TDRD5: variants seen among roughly 807,000 people sequenced by gnomAD.
TDRD5 encodes tudor domain-containing protein 5.
Under a neutral mutation model 120.6 loss-of-function variants are expected in TDRD5, and 41 were observed. The observed-to-expected ratio is 0.34, with a 90% CI of 0.26 to 0.44. The LOEUF is 0.44. Among genes scored for constraint, TDRD5 ranks in the 20% least tolerant of loss-of-function variants. The pLI is 1.00. For synonymous variants in TDRD5, 430 were observed against 433.7 expected, an observed-to-expected ratio of 0.99 and a Z score of 0.11; for missense variants, 1,006 against 1,221.2, an observed-to-expected ratio of 0.82 and a Z score of 2.63.
At chr1:179,671,949 G>GGTGTGTGTGTGTGT (rs111855083) in intron 17 of TDRD5, among the ~76,000 whole-genome samples, 6 of 141,728 alleles carry the variant, frequency 4.2e-5, no homozygotes, top group Admixed American at 2.1e-4. Context: ...AATATTCCAT[G>GGTGTGTGTGTGTGT]GTGTGTGTGT....
intron 5 of TDRD5, among the ~76,000 whole-genome samples, chr1:179,620,444 A>G (rs1324275212): frequency 6.6e-6 from 1 of 152,166 alleles, no homozygotes; most frequent in African/African-American, 2.4e-5. Context: ...TAGAAGATCA[A>G]ATACATTTAG....
At chr1:179,623,476 C>A (rs1233567954) in intron 6 of TDRD5, among the ~76,000 whole-genome samples, 1 of 151,894 alleles carries the variant, frequency 6.6e-6, no homozygotes, top group Non-Finnish European at 1.5e-5. Flanking sequence ...TTGCAAGATT[C>A]TTATATTTTA....
At chr1:179,685,425 C>T (rs1002162941) in intron 17 of TDRD5, among the ~76,000 whole-genome samples, 2 of 152,128 alleles carry the variant, frequency 1.3e-5, no homozygotes. Context: ...GTACCAGTAC[C>T]ACGCTGTTTT....
At position 179,690,683 on chromosome 1, in the gene TDRD5, C is replaced by G. The variant is rs1558435890; in HGVS notation, c.2861-13C>G. The G allele has an allele frequency of 6.2e-7, 1 of 1,610,584 alleles. No homozygotes were observed. Among genetic ancestry groups the G allele is most frequent in the South Asian group, 1.1e-5 (1 of 90,670 alleles). ...CCCCTTGAAAAGATGTTTGTGTACT[C>G]TTTCTTTTCCAGTGGAAAGCTCACC... On this transcript the variant is annotated splice_polypyrimidine_tract_variant and intron_variant, in intron 17 of 17. Coordinates refer to ENST00000444136, the MANE Select transcript of TDRD5 (RefSeq NM_001199085.3).
chr1:179,689,878 G>A (rs556791258), intron 17 of TDRD5, among the ~76,000 whole-genome samples: 2 of 152,330 alleles, frequency 1.3e-5, no homozygotes, highest in East Asian at 3.9e-4. Flanking sequence ...ACCTCCTGGT[G>A]TGCCATTTGC....
chr1:179,602,551 G>T (rs976860489), intron 4 of TDRD5, among the ~76,000 whole-genome samples: 1 of 152,178 alleles, frequency 6.6e-6, no homozygotes, highest in Non-Finnish European at 1.5e-5. Context: ...GTTGATTTTT[G>T]TGTAAGGTGA....
In TDRD5 at chr1:179,618,632, A is replaced by G; in HGVS notation, c.865A>G (p.Ile289Val). 1 of 1,599,150 alleles carries G rather than the reference A, an allele frequency of 6.3e-7. No individual in the cohort carries two copies. The highest frequency in any genetic ancestry group is 8.5e-7 in the Non-Finnish European group (1 of 1,174,278). ...CACATTCAAATCAGTTATTGCACAGATTGGACCTGGAGGAACTATCAGTTC... is the reference window on the plus strand; with the variant it reads ...CACATTCAAATCAGTTATTGCACAGGTTGGACCTGGAGGAACTATCAGTTC... ...ENTFKSVIAQ[I>V]GPGGTISSEL... Residue 289 changes from isoleucine to valine, a missense_variant, in exon 5 of 18, where the codon ATT (isoleucine) becomes GTT (valine). Around this residue, in one of 3 missense-constraint regions of TDRD5, gnomAD observed 445 missense variants for 515.5 expected, o/e 0.86. Coordinates refer to ENST00000444136, the MANE Select transcript of TDRD5 (RefSeq NM_001199085.3).
At chr1:179,610,806 T>A (rs915756144) in intron 4 of TDRD5, among the ~76,000 whole-genome samples, 5 of 152,114 alleles carry the variant, frequency 3.3e-5, no homozygotes, top group Non-Finnish European at 7.4e-5. Context: ...CCTTTCAGAC[T>A]TTTTTTCTAT....
chr1:179,635,921 A>G, intron 9 of TDRD5, 34 bp downstream of exon 9: 1 of 1,594,806 alleles, frequency 6.3e-7, no homozygotes, highest in Non-Finnish European at 8.6e-7. Context: ...TGTTTTTCAC[A>G]TGTCTCTTAA....
At chr1:179,662,044 T>G in intron 14 of TDRD5, 60 bp from the exon 15 acceptor site, 1 of 1,404,132 alleles carries the variant, frequency 7.1e-7, no homozygotes, top group South Asian at 1.9e-5. Context: ...AACCTAAATT[T>G]TATGTGCTCA....
At chr1:179,687,176 A>C (rs1410880352) in intron 17 of TDRD5, among the ~76,000 whole-genome samples, 2 of 152,154 alleles carry the variant, frequency 1.3e-5, no homozygotes, top group Non-Finnish European at 2.9e-5. Flanking sequence ...TCTTGTGGGC[A>C]TTTAGTGCTA....
intron 4 of TDRD5, among the ~76,000 whole-genome samples, chr1:179,615,271 G>C (rs185238903): frequency 6.6e-6 from 1 of 152,066 alleles, no homozygotes. Flanking sequence ...CACATAGTAT[G>C]ATCTCAATAC....
intron 11 of TDRD5, among the ~76,000 whole-genome samples, chr1:179,649,863 A>T (rs1377900444): frequency 6.6e-6 from 1 of 152,198 alleles, no homozygotes; most frequent in Admixed American, 6.5e-5. Context: ...GAGGATTTAC[A>T]TGTGCTTCTG....
At chr1:179,602,511 T>C (rs1320935573) in intron 4 of TDRD5, among the ~76,000 whole-genome samples, 3 of 152,210 alleles carry the variant, frequency 2.0e-5, no homozygotes, top group African/African-American at 7.2e-5. Context: ...TAGTTTCAGG[T>C]CTTAGGTTTA....
At position 179,668,177 on chromosome 1, in the gene TDRD5, C is replaced by G. The variant is rs185142466; in HGVS notation, c.2650-1017C>G. Among the ~76,000 whole-genome samples the G allele has an allele frequency of 1.2e-4, 18 of 152,316 alleles. 1 individual carries two copies. In the East Asian group the frequency reaches 3.5e-3, roughly 29 times the overall value. On this transcript the variant is annotated intron_variant, in intron 16 of 17. Coordinates refer to ENST00000444136, the MANE Select transcript of TDRD5 (RefSeq NM_001199085.3). ...TTCATAATGGTTAAAATTTGGCACTCCCTTCATTTAAGCTCAAGTTCAATC... is the reference window on the plus strand; with the variant it reads ...TTCATAATGGTTAAAATTTGGCACTGCCTTCATTTAAGCTCAAGTTCAATC...
intron 2 of TDRD5, 39 bp downstream of exon 2, chr1:179,592,886 TAAA>T: frequency 6.4e-7 from 1 of 1,559,648 alleles, no homozygotes. Flanking sequence ...AACTTTGTAA[TAAA>T]AACAATTGCT....
intron 17 of TDRD5, among the ~76,000 whole-genome samples, chr1:179,674,028 G>A (rs1344521807): frequency 6.6e-6 from 1 of 152,022 alleles, no homozygotes; most frequent in Non-Finnish European, 1.5e-5. Flanking sequence ...ACCGATTTGG[G>A]TGCCCTTTAT....
intron 11 of TDRD5, among the ~76,000 whole-genome samples, chr1:179,648,954 T>C (rs1216223035): frequency 2.6e-5 from 4 of 152,280 alleles, no homozygotes; most frequent in South Asian, 4.1e-4. Flanking sequence ...ATATCATTTA[T>C]TTTTCACTTA....
chr1:179,675,253 T>TAA (rs1680063761), intron 17 of TDRD5, among the ~76,000 whole-genome samples: 1 of 66,188 alleles, frequency 1.5e-5, no homozygotes, highest in East Asian at 5.2e-4. Context: ...GTTCAAAGAA[T>TAA]TTTTATTATT....
Sources: gnomAD v4.1 joint callset for allele counts (sites outside exome capture counted in the v4.1 genomes callset) on GRCh38, gnomAD v4.1.1 for gene constraint, gnomAD v4.1.1 regional missense constraint, MANE v1.5 for transcripts, NCBI Gene and HGNC (gene_info 2026-07-23, HGNC 2026-07-21) for gene names.